CCSER1: variants seen among roughly 807,000 people sequenced by gnomAD.
The protein encoded by CCSER1 is coiled-coil serine rich protein 1, also known as serine-rich coiled-coil domain-containing protein 1.
A neutral mutation model predicts 82.0 loss-of-function variants in CCSER1; 41 were observed. The observed-to-expected ratio is 0.50, with a 90% CI of 0.39 to 0.65. The LOEUF is 0.65. Among genes scored for constraint, CCSER1 ranks in the 30% least tolerant of loss-of-function variants. The pLI, the probability that CCSER1 is intolerant of heterozygous loss-of-function variation, is 0.00. For synonymous variants in CCSER1, 414 were observed against 383.9 expected (o/e 1.08, Z -0.92); for missense variants, 1,119 against 1,064.2 (o/e 1.05, Z -0.72).
chr4:90,533,624 C>A (rs1774918105), intron 5 of CCSER1, among the ~76,000 whole-genome samples: 1 of 152,136 alleles, frequency 6.6e-6, no homozygotes, highest in African/African-American at 2.4e-5. Flanking sequence ...GCCTAGAGAT[C>A]TTTTGGTTTG....
intron 5 of CCSER1, among the ~76,000 whole-genome samples, chr4:90,493,367 C>T (rs1050657895): frequency 6.6e-6 from 1 of 152,094 alleles, no homozygotes; most frequent in African/African-American, 2.4e-5. Flanking sequence ...AAAACTTCCC[C>T]AGCCTAGAAA....
intron 1 of CCSER1, among the ~76,000 whole-genome samples, chr4:90,224,367 T>C (rs1300794661): frequency 6.6e-6 from 1 of 152,232 alleles, no homozygotes; most frequent in Non-Finnish European, 1.5e-5. Context: ...AAGATATTGT[T>C]ATAAAACAGC....
chr4:91,118,687 G>A (rs1726837987), intron 10 of CCSER1, among the ~76,000 whole-genome samples: 3 of 152,168 alleles, frequency 2.0e-5, no homozygotes, highest in Admixed American at 6.5e-5. Flanking sequence ...CCAAAAGAAT[G>A]CCTTCTGTTT....
chr4:90,712,595 A>G (rs1206206039), intron 6 of CCSER1, among the ~76,000 whole-genome samples: 1 of 152,010 alleles, frequency 6.6e-6, no homozygotes, highest in African/African-American at 2.4e-5. Context: ...TGTGACAATG[A>G]GAAGAATGTA....
chr4:91,345,917 A>G (rs1206345295), intron 10 of CCSER1, among the ~76,000 whole-genome samples: 2 of 152,128 alleles, frequency 1.3e-5, no homozygotes, highest in Admixed American at 1.3e-4. Flanking sequence ...CTAAAATGAC[A>G]TATTGTTGAA....
intron 1 of CCSER1, among the ~76,000 whole-genome samples, chr4:90,154,628 T>C (rs1191766011): frequency 1.3e-5 from 2 of 148,162 alleles, no homozygotes; most frequent in Non-Finnish European, 3.0e-5. Context: ...GGTATTTTAT[T>C]CTCTTTGAAG....
At chr4:90,460,150 C>T (rs1762697662) in intron 4 of CCSER1, among the ~76,000 whole-genome samples, 1 of 146,242 alleles carries the variant, frequency 6.8e-6, no homozygotes, top group African/African-American at 2.8e-5. Flanking sequence ...CACGGTGAAA[C>T]CCCGTCTCTA....
intron 10 of CCSER1, among the ~76,000 whole-genome samples, chr4:91,184,023 G>T (rs1734294003): frequency 6.6e-6 from 1 of 152,126 alleles, no homozygotes; most frequent in South Asian, 2.1e-4. Context: ...ATTTACTAAG[G>T]TCCCCAAGTA....
At chr4:90,933,491 T>C (rs1252057924) in intron 9 of CCSER1, among the ~76,000 whole-genome samples, 1 of 150,294 alleles carries the variant, frequency 6.7e-6, no homozygotes, top group Non-Finnish European at 1.5e-5. Flanking sequence ...CAGGATGAAG[T>C]GTTTTTTTTT....
chr4:90,816,355 G>T (rs1759010419), intron 8 of CCSER1, among the ~76,000 whole-genome samples: 2 of 152,192 alleles, frequency 1.3e-5, no homozygotes, highest in South Asian at 2.1e-4. Context: ...TATGCAGTGT[G>T]TGTGGTTCAG....
intron 5 of CCSER1, among the ~76,000 whole-genome samples, chr4:90,485,528 C>A (rs971892272): frequency 2.7e-5 from 4 of 150,878 alleles, no homozygotes; most frequent in African/African-American, 9.7e-5. Context: ...ACCCCCCCCC[C>A]CCAATTTAAC....
intron 1 of CCSER1, among the ~76,000 whole-genome samples, chr4:90,257,047 A>C (rs867037592): frequency 6.6e-6 from 1 of 152,044 alleles, no homozygotes; most frequent in Non-Finnish European, 1.5e-5. Flanking sequence ...GGGTCTTCGA[A>C]GATATGCCTG....
intron 5 of CCSER1, among the ~76,000 whole-genome samples, chr4:90,565,963 T>G (rs1045967296): frequency 6.6e-6 from 1 of 151,216 alleles, no homozygotes; most frequent in African/African-American, 2.4e-5. Context: ...CGGGTTCAAG[T>G]GATTCTCCTG....
intron 5 of CCSER1, among the ~76,000 whole-genome samples, chr4:90,505,297 G>T (rs1770528303): frequency 6.6e-6 from 1 of 152,302 alleles, no homozygotes; most frequent in African/African-American, 2.4e-5. Flanking sequence ...ACTGCAACTG[G>T]GCTTCAAAGC....
intron 1 of CCSER1, among the ~76,000 whole-genome samples, chr4:90,200,328 T>G (rs1578451254): frequency 6.6e-6 from 1 of 152,194 alleles, no homozygotes; most frequent in Non-Finnish European, 1.5e-5. Context: ...TAATTAATAA[T>G]GGCTTACTAC....
chr4:91,407,844 C>T (rs1405583473), intron 10 of CCSER1, among the ~76,000 whole-genome samples: 2 of 152,182 alleles, frequency 1.3e-5, no homozygotes, highest in East Asian at 3.8e-4. Flanking sequence ...ACTTCCAACA[C>T]TGGGGATGAA....
chr4:91,089,865 G>A (rs1723770418), intron 10 of CCSER1, among the ~76,000 whole-genome samples: 1 of 152,016 alleles, frequency 6.6e-6, no homozygotes, highest in South Asian at 2.1e-4. Flanking sequence ...TCATCTATGT[G>A]GAAACAGAAA....
In CCSER1 at chr4:91,474,820, C is replaced by T. The variant is rs1249519157; in HGVS notation, c.2218-123752C>T. On this transcript the variant is annotated intron_variant, in intron 10 of 10. Coordinates refer to ENST00000509176, the MANE Select transcript of CCSER1 (RefSeq NM_001145065.2). ...ATATATATATATATATATACACACA[C>T]ACACACACACACACACACATTGCCT... 4.5e-3 allele frequency among the ~76,000 whole-genome samples: 660 copies of T among 146,534 alleles called. 5 individuals carry two copies. The highest frequency in any genetic ancestry group is 0.018 in the Middle Eastern group (5 of 280).
At chr4:91,023,360 G>A (rs1389120835) in intron 9 of CCSER1, among the ~76,000 whole-genome samples, 1 of 152,114 alleles carries the variant, frequency 6.6e-6, no homozygotes, top group Non-Finnish European at 1.5e-5. Flanking sequence ...TCAATCCTAA[G>A]CCAAAAGAAC....
Sources: allele counts gnomAD v4.1 joint callset (sites outside exome capture counted in the v4.1 genomes callset), GRCh38; gene constraint gnomAD v4.1.1; transcripts MANE v1.5; gene names NCBI Gene and HGNC (gene_info 2026-07-23, HGNC 2026-07-21).